The following PARD3 variants were observed in gnomAD, a reference collection of about 807,000 sequenced individuals.
PARD3 encodes par-3 family cell polarity regulator.
A neutral mutation model predicts 155.4 loss-of-function variants in PARD3; 75 were observed. The observed-to-expected ratio is 0.48, with a 90% confidence interval of 0.40 to 0.58. The LOEUF (loss-of-function observed/expected upper bound fraction) is 0.58, where lower values mean the gene tolerates loss of function less well. PARD3 is among the 20% of genes least tolerant of loss of function. The pLI is 0.00. For missense variants in PARD3, 1,642 were observed against 1,721.7 expected (o/e 0.95, Z 0.82); for synonymous variants, 576 against 610.5 (o/e 0.94, Z 0.83).
Position 34,814,968 on chromosome 10 carries a change from T to G in PARD3, c.28A>C (p.Thr10Pro). The change falls in exon 1 of 25, where the codon ACC becomes CCC. Residue 10 changes from threonine (T) to proline (P), a missense_variant. Physicochemically the swap from Thr to Pro is conservative, Grantham distance 38. Transcript: ENST00000374788. ...TCCCCGCACGGCACGACCACCCGGG[T>G]CCGTCCGAAGCACACGGTCACTTTC... is the stretch of plus-strand genomic sequence containing the variant. MKVTVCFGRTRVVVPCGDGH... is the reference protein window; with the variant it reads MKVTVCFGRPRVVVPCGDGH... 2 of 1,550,902 alleles carry G rather than the reference T, an allele frequency of 1.3e-6. No individual in the cohort carries two copies. Among genetic ancestry groups the G allele is most frequent in the African/African-American group, 1.4e-5 (1 of 69,914 alleles).
rs544040993 is a variant in PARD3 at position 34,620,717 on chromosome 10, G to A, written c.222+75601C>T. Among the ~76,000 whole-genome samples, 13 of 152,148 alleles carry A rather than the reference G, an allele frequency of 8.5e-5. No homozygotes were observed. In the South Asian group the frequency reaches 1.7e-3, roughly 19 times the overall value. On this transcript the variant is annotated intron_variant, in intron 2 of 24. Transcript: ENST00000374788. ...ATTTCAGGATGCTCTTTAATTAAACGGATTCAAAAGCTTGAAAAAGAAGTG... is the reference window on the plus strand; with the variant it reads ...ATTTCAGGATGCTCTTTAATTAAACAGATTCAAAAGCTTGAAAAAGAAGTG...
At chr10:34,727,975 A>G (rs1344053761) in intron 1 of PARD3, among the ~76,000 whole-genome samples, 1 of 152,002 alleles carries the variant, frequency 6.6e-6, no homozygotes, top group Non-Finnish European at 1.5e-5. Context: ...TCAGCACCCG[A>G]TATCTGACAA....
At chr10:34,219,701 AC>A (rs1952182822) in intron 22 of PARD3, among the ~76,000 whole-genome samples, 1 of 152,108 alleles carries the variant, frequency 6.6e-6, no homozygotes, top group Admixed American at 6.5e-5. Context: ...TTTAAATATC[AC>A]CTGTAAATCT....
At chr10:34,714,696 A>G (rs1176589756) in intron 1 of PARD3, among the ~76,000 whole-genome samples, 1 of 152,184 alleles carries the variant, frequency 6.6e-6, no homozygotes, top group African/African-American at 2.4e-5. Flanking sequence ...GGTATCTTCA[A>G]AAGATTTCCA....
Position 34,814,892 on chromosome 10 carries a change from C to T in PARD3, c.104G>A (p.Arg35Gln). 2.0e-6 allele frequency: 3 copies of T among 1,534,656 alleles called. No individual in the cohort carries two copies. Among genetic ancestry groups the T allele is most frequent in the Non-Finnish European group, 2.6e-6 (3 of 1,141,244 alleles). ...SLIQQAVTRY[R>Q]KAIAKDPNYW... ...GCCCCTCACCTTGGCGATGGCCTTC[C>T]GGTAGCGGGTCACCGCCTGCTGGAT... is the stretch of plus-strand genomic sequence containing the variant. The change falls in exon 1 of 25, where the codon CGG (arginine) becomes CAG (glutamine). Residue 35 changes from arginine to glutamine, a missense_variant. Arg to Gln is a conservative substitution (Grantham distance 43). Around this residue, in one of 3 missense-constraint regions of PARD3, gnomAD observed 75 missense variants for 65.3 expected, o/e 1.15. Coordinates refer to ENST00000374788, the MANE Select transcript of PARD3 (RefSeq NM_001184785.2).
At chr10:34,650,033 C>G (rs1262428336) in intron 2 of PARD3, among the ~76,000 whole-genome samples, 1 of 152,196 alleles carries the variant, frequency 6.6e-6, no homozygotes, top group Non-Finnish European at 1.5e-5. Context: ...TCAGAGGTGA[C>G]AGCACACATG....
rs575484221 is a variant in PARD3, at chr10:34,128,408, C to T, written c.3540+3055G>A. ...TTCTTTATGATTTTCTTAATAACATCTTCTTTCTAGTTTATATTACTGTAA... is the reference window on the plus strand; with the variant it reads ...TTCTTTATGATTTTCTTAATAACATTTTCTTTCTAGTTTATATTACTGTAA... On this transcript the variant is annotated intron_variant, in intron 23 of 24. Coordinates refer to ENST00000374788, the MANE Select transcript of PARD3 (RefSeq NM_001184785.2). Among the ~76,000 whole-genome samples, 154 of 152,306 alleles carry T rather than the reference C, an allele frequency of 1.0e-3. 2 individuals are homozygous for T. Among genetic ancestry groups the T allele is most frequent in the African/African-American group, 3.6e-3 (149 of 41,552 alleles).
intron 1 of PARD3, among the ~76,000 whole-genome samples, chr10:34,799,567 G>GA (rs1842648115): frequency 6.6e-6 from 1 of 152,080 alleles, no homozygotes; most frequent in East Asian, 1.9e-4. Context: ...CCCAAGTCAG[G>GA]AAAAAACCCT....
At chr10:34,393,094 T>A (rs1193233427) in intron 7 of PARD3, among the ~76,000 whole-genome samples, 1 of 150,458 alleles carries the variant, frequency 6.6e-6, no homozygotes, top group Non-Finnish European at 1.5e-5. Flanking sequence ...AGTTTGTGAA[T>A]CTTTGATCTG....
intron 1 of PARD3, among the ~76,000 whole-genome samples, chr10:34,725,151 G>C (rs1421648499): frequency 9.4e-6 from 1 of 106,006 alleles, no homozygotes; most frequent in African/African-American, 3.3e-5. Flanking sequence ...GTGTGTGTGT[G>C]ACAGAGAGAG....
intron 2 of PARD3, among the ~76,000 whole-genome samples, chr10:34,591,098 C>A (rs1002120612): frequency 3.9e-5 from 6 of 152,078 alleles, no homozygotes; most frequent in African/African-American, 1.4e-4. Context: ...ACCCAGAGGG[C>A]CCCAGTCCCA....
intron 1 of PARD3, among the ~76,000 whole-genome samples, chr10:34,730,952 T>G (rs1251424300): frequency 6.6e-6 from 1 of 152,144 alleles, no homozygotes; most frequent in Admixed American, 6.5e-5. Context: ...AACCCACAAT[T>G]TGACCCGGTT....
chr10:34,787,384 CAAT>C (rs939557654), intron 1 of PARD3, among the ~76,000 whole-genome samples: 15 of 152,130 alleles, frequency 9.9e-5, no homozygotes, highest in African/African-American at 3.1e-4. Flanking sequence ...ATCTCAAAAA[CAAT>C]AATAATAATT....
chr10:34,403,003 C>T (rs780871854), intron 5 of PARD3, among the ~76,000 whole-genome samples: 2 of 152,042 alleles, frequency 1.3e-5, no homozygotes, highest in Admixed American at 6.6e-5. Context: ...GACTTATTAG[C>T]CAGATTAGAA....
chr10:34,247,278 G>C (rs1370093584), intron 22 of PARD3, among the ~76,000 whole-genome samples: 1 of 152,154 alleles, frequency 6.6e-6, no homozygotes, highest in Non-Finnish European at 1.5e-5. Context: ...AAGGTGGGTG[G>C]ATCACCTGAG....
intron 1 of PARD3, among the ~76,000 whole-genome samples, chr10:34,708,066 C>T (rs1015372766): frequency 5.9e-5 from 9 of 152,158 alleles, no homozygotes; most frequent in African/African-American, 2.2e-4. Flanking sequence ...CAACTTCCTG[C>T]CTTCTTCATT....
chr10:34,595,631 C>A (rs1175513169), intron 2 of PARD3, among the ~76,000 whole-genome samples: 6 of 151,994 alleles, frequency 3.9e-5, no homozygotes, highest in African/African-American at 1.5e-4. Flanking sequence ...CTATAACCTT[C>A]TAGGAAAAAG....
At chr10:34,407,833 C>T (rs1258315525) in intron 5 of PARD3, among the ~76,000 whole-genome samples, 1 of 108,722 alleles carries the variant, frequency 9.2e-6, no homozygotes, top group Non-Finnish European at 1.7e-5. Flanking sequence ...GTCCTTATGC[C>T]TAAAAAAAAA....
chr10:34,326,142 A>G (rs2134194147), intron 19 of PARD3, among the ~76,000 whole-genome samples: 1 of 152,042 alleles, frequency 6.6e-6, no homozygotes, highest in Non-Finnish European at 1.5e-5. Context: ...AAAAAAAAAA[A>G]AAAGTTAGAA....
Sources: gnomAD v4.1 joint callset for allele counts (sites outside exome capture counted in the v4.1 genomes callset) on GRCh38, gnomAD v4.1.1 for gene constraint, gnomAD v4.1.1 regional missense constraint, MANE v1.5 for transcripts, NCBI Gene and HGNC (gene_info 2026-07-23, HGNC 2026-07-21) for gene names.